The following CELF2 variants were observed in gnomAD, a reference collection of about 807,000 sequenced individuals.
CELF2 encodes CUGBP Elav-like family member 2, also known as CUG triplet repeat RNA-binding protein 2.
In CELF2, 8 loss-of-function variants were observed where a neutral mutation model predicts 62.6. The observed-to-expected ratio is 0.13, with a 90% CI of 0.07 to 0.23. CELF2 has a LOEUF of 0.23. Among genes scored for constraint, CELF2 ranks in the 10% least tolerant of loss-of-function variants. CELF2 has a pLI of 1.00. For missense variants in CELF2, 333 were observed against 671.0 expected (o/e 0.50, Z 5.56); for synonymous variants, 258 against 250.0 (o/e 1.03, Z -0.30).
chr10:10,479,329 C>A, the CELF2 span, among the ~76,000 whole-genome samples: 12 of 151,912 alleles, frequency 7.9e-5, no homozygotes, highest in Non-Finnish European at 1.5e-4. Flanking sequence ...CCACCGTGCC[C>A]GGATAATTTT....
chr10:11,066,327 C>A (rs1222884189), intron 1 of CELF2, among the ~76,000 whole-genome samples: 1 of 151,892 alleles, frequency 6.6e-6, no homozygotes, highest in Non-Finnish European at 1.5e-5. Context: ...CTCATACTTG[C>A]TATGGTGGGT....
chr10:10,821,077 C>T (rs760534464), intron 1 of CELF2, among the ~76,000 whole-genome samples: 2 of 152,136 alleles, frequency 1.3e-5, no homozygotes, highest in Non-Finnish European at 2.9e-5. Flanking sequence ...GGTTGTGGGG[C>T]TGAAGGAAAA....
the CELF2 span, among the ~76,000 whole-genome samples, chr10:10,594,888 G>T: frequency 6.6e-6 from 1 of 150,652 alleles, no homozygotes; most frequent in African/African-American, 2.4e-5. Context: ...TCAACCCTTA[G>T]TTCTCAGGAC....
At chr10:10,557,509 C>T in the CELF2 span, among the ~76,000 whole-genome samples, 36 of 144,412 alleles carry the variant, frequency 2.5e-4, no homozygotes, top group African/African-American at 7.0e-4. Flanking sequence ...ATTGCCTTGG[C>T]GATGCGAGCT....
At chr10:10,737,073 A>G in the CELF2 span, among the ~76,000 whole-genome samples, 1 of 152,200 alleles carries the variant, frequency 6.6e-6, no homozygotes, top group Non-Finnish European at 1.5e-5. Context: ...GAGATGTTTC[A>G]GGAACCTTGG....
chr10:10,608,818 T>C, the CELF2 span, among the ~76,000 whole-genome samples: 1 of 152,204 alleles, frequency 6.6e-6, no homozygotes, highest in African/African-American at 2.4e-5. Flanking sequence ...TCGAGAGTAG[T>C]GATTCTTAAT....
chr10:10,789,358 GATATGTC>G, the CELF2 span, among the ~76,000 whole-genome samples: 97 of 152,224 alleles, frequency 6.4e-4, no homozygotes, highest in Non-Finnish European at 6.5e-4. Context: ...CAGTTTTATA[GATATGTC>G]ATATGCATAT....
chr10:11,333,660 A>C lies in CELF2; in HGVS notation c.*4607A>C, dbSNP rs17454839. On this transcript the variant is annotated 3_prime_UTR_variant, in exon 13 of 13. Transcript: ENST00000633077. ...AATTGATGTTTGTAGATTAATAATC[A>C]TTTTGTTTAGAATTACAAAATAGTT... The C allele has an allele frequency of 0.13, 19,806 of 152,642 alleles. 1,311 individuals carry two copies. Among genetic ancestry groups the C allele is most frequent in the African/African-American group, 0.16 (6,850 of 41,530 alleles). 9.5% of individuals were successfully genotyped at this position (152,642 alleles called of 1,614,324 possible).
the CELF2 span, among the ~76,000 whole-genome samples, chr10:10,523,369 G>A: frequency 1.3e-5 from 2 of 152,180 alleles, no homozygotes; most frequent in Non-Finnish European, 2.9e-5. Flanking sequence ...TTTTTTAAAT[G>A]GGATATTATG....
the CELF2 span, among the ~76,000 whole-genome samples, chr10:10,729,080 T>A: frequency 6.6e-6 from 1 of 152,172 alleles, no homozygotes; most frequent in African/African-American, 2.4e-5. Flanking sequence ...CAATAAAATA[T>A]CAATGACAGA....
chr10:10,512,401 CTTTTTTT>C, the CELF2 span, among the ~76,000 whole-genome samples: 1 of 109,148 alleles, frequency 9.2e-6, no homozygotes, highest in Non-Finnish European at 1.8e-5. Flanking sequence ...TTTTGGAACG[CTTTTTTT>C]TTTTTTTTTT....
the CELF2 span, among the ~76,000 whole-genome samples, chr10:10,543,341 C>T: frequency 6.6e-6 from 1 of 152,186 alleles, no homozygotes; most frequent in Non-Finnish European, 1.5e-5. Flanking sequence ...AAAATTCCCT[C>T]CTAAGTGAGC....
chr10:10,607,812 T>C, the CELF2 span, among the ~76,000 whole-genome samples: 70,050 of 152,032 alleles, frequency 0.46, 16,454 homozygotes, highest in South Asian at 0.67. Flanking sequence ...AGTATCAGGC[T>C]GGGCATGGTG....
At chr10:10,745,808 T>G in the CELF2 span, among the ~76,000 whole-genome samples, 1 of 152,208 alleles carries the variant, frequency 6.6e-6, no homozygotes, top group Non-Finnish European at 1.5e-5. Flanking sequence ...CATATCACCG[T>G]TGGGAATTTC....
At chr10:10,849,339 A>G (rs1395190080) in intron 1 of CELF2, among the ~76,000 whole-genome samples, 1 of 152,094 alleles carries the variant, frequency 6.6e-6, no homozygotes, top group Non-Finnish European at 1.5e-5. Context: ...ACCAGGAGGC[A>G]GAGGTTGCAG....
At chr10:11,087,661 G>A (rs1343228836) in intron 1 of CELF2, among the ~76,000 whole-genome samples, 1 of 152,190 alleles carries the variant, frequency 6.6e-6, no homozygotes, top group African/African-American at 2.4e-5. Flanking sequence ...CAGTCAGTAG[G>A]AATAATCAGC....
intron 10 of CELF2, chr10:11,317,510 A>G (rs2095108346): frequency 6.6e-6 from 1 of 152,230 alleles, no homozygotes; most frequent in African/African-American, 2.4e-5. Flanking sequence ...ACAAAGGAAA[A>G]CTTACCCCAG....
intron 2 of CELF2, among the ~76,000 whole-genome samples, chr10:10,940,913 A>T (rs1204464390): frequency 1.3e-5 from 2 of 152,154 alleles, no homozygotes; most frequent in Non-Finnish European, 2.9e-5. Flanking sequence ...TCAGTGAATT[A>T]CCCTGTAGTA....
the CELF2 span, among the ~76,000 whole-genome samples, chr10:10,615,191 A>G: frequency 2.0e-5 from 3 of 152,128 alleles, no homozygotes; most frequent in African/African-American, 7.2e-5. Context: ...CTAGGGGGGA[A>G]GTAAGACATG....
Sources: allele counts gnomAD v4.1 joint callset (sites outside exome capture counted in the v4.1 genomes callset), GRCh38; gene constraint gnomAD v4.1.1; transcripts MANE v1.5; gene names NCBI Gene and HGNC (gene_info 2026-07-23, HGNC 2026-07-21).